The following SLCO3A1 variants were observed in gnomAD, a reference collection of about 807,000 sequenced individuals.
SLCO3A1 encodes PGE1 transporter.
A neutral mutation model predicts 63.1 loss-of-function variants in SLCO3A1; 27 were observed. That is an observed-to-expected ratio of 0.43 (90% confidence interval 0.32 to 0.59). The LOEUF is 0.59. Ranked by LOEUF, SLCO3A1 falls within the 20% of genes least tolerant of loss-of-function variation. SLCO3A1 has a pLI of 0.09. For synonymous variants in SLCO3A1, 473 were observed against 409.9 expected, an observed-to-expected ratio of 1.15 and a Z score of -1.86; for missense variants, 773 against 945.8, an observed-to-expected ratio of 0.82 and a Z score of 2.40.
At position 91,853,895 on chromosome 15, in the gene SLCO3A1, G is replaced by A; in HGVS notation, c.-14G>A. The A allele has an allele frequency of 7.4e-7, 1 of 1,353,088 alleles. No homozygotes were observed. 83.8% of individuals were successfully genotyped at this position (1,353,088 alleles called of 1,614,324 possible). A position where few individuals can be genotyped will look rare whatever the true frequency, so the allele number is the denominator to read the frequency against. On this transcript the variant is annotated 5_prime_UTR_variant, in exon 1 of 10. Transcript: ENST00000318445. Reference sequence around the variant, plus strand: ...AGCGGCAGCGGCGGCGGCGGCGGCGGCGGCGGGGGAAGGATGCAGGGGAAG... The same window carrying A: ...AGCGGCAGCGGCGGCGGCGGCGGCGACGGCGGGGGAAGGATGCAGGGGAAG...
intron 2 of SLCO3A1, among the ~76,000 whole-genome samples, chr15:91,959,478 C>A (rs1388533618): frequency 6.6e-6 from 1 of 151,698 alleles, no homozygotes; most frequent in Non-Finnish European, 1.5e-5. Context: ...ACCTGTAATC[C>A]CAGCACTTTG....
chr15:91,889,244 G>A (rs756934382), intron 1 of SLCO3A1: 2 of 1,042,600 alleles, frequency 1.9e-6, no homozygotes, highest in Non-Finnish European at 2.6e-6. Context: ...GACTGTGGGT[G>A]GTCCTGCTGG....
intron 1 of SLCO3A1, among the ~76,000 whole-genome samples, chr15:91,864,626 A>G (rs552070570): frequency 6.6e-6 from 1 of 152,116 alleles, no homozygotes; most frequent in South Asian, 2.1e-4. Context: ...TCATTGGGGA[A>G]TACTTTTGTA....
chr15:92,100,574 A>T (rs74742164), intron 3 of SLCO3A1, among the ~76,000 whole-genome samples: 5,536 of 152,284 alleles, frequency 0.036, 125 homozygotes, highest in Admixed American at 0.051. Flanking sequence ...CATTTTTTTT[A>T]AAGTTAAGAC....
At chr15:92,166,823 GTGTGCCTGC>G (rs1448890629), downstream of SLCO3A1, among the ~76,000 whole-genome samples, 1 of 152,180 alleles carries the variant, frequency 6.6e-6, no homozygotes, top group Admixed American at 6.5e-5. Context: ...CTGGGTCCCC[GTGTGCCTGC>G]TGGGCTGGTT....
intron 2 of SLCO3A1, among the ~76,000 whole-genome samples, chr15:91,943,075 T>C (rs1453081561): frequency 6.6e-6 from 1 of 152,262 alleles, no homozygotes; most frequent in Non-Finnish European, 1.5e-5. Flanking sequence ...CTCATTTCCA[T>C]TTTATAGAAA....
At chr15:92,145,015 C>T (rs1206173654) in intron 7 of SLCO3A1, among the ~76,000 whole-genome samples, 4 of 152,184 alleles carry the variant, frequency 2.6e-5, no homozygotes, top group African/African-American at 4.8e-5. Flanking sequence ...AGATGGAAAG[C>T]GAGTGACCAG....
At chr15:92,030,864 G>T (rs763236114) in intron 2 of SLCO3A1, among the ~76,000 whole-genome samples, 4 of 152,150 alleles carry the variant, frequency 2.6e-5, no homozygotes, top group Non-Finnish European at 5.9e-5. Flanking sequence ...AACGAGAGAT[G>T]CCCACCCTTG....
At chr15:92,134,587 A>G (rs2048033566) in intron 7 of SLCO3A1, among the ~76,000 whole-genome samples, 3 of 152,228 alleles carry the variant, frequency 2.0e-5, no homozygotes, top group African/African-American at 4.8e-5. Flanking sequence ...AAATATATGC[A>G]TATCTTTGCA....
chr15:91,873,992 G>A (rs1201684668), intron 1 of SLCO3A1, among the ~76,000 whole-genome samples: 1 of 152,030 alleles, frequency 6.6e-6, no homozygotes, highest in Non-Finnish European at 1.5e-5. Flanking sequence ...ACTCAGTGGT[G>A]TAGTAGTCCC....
intron 2 of SLCO3A1, among the ~76,000 whole-genome samples, chr15:92,008,496 A>G (rs1195519603): frequency 6.6e-6 from 1 of 152,260 alleles, no homozygotes; most frequent in Non-Finnish European, 1.5e-5. Context: ...AGCTAAAAAA[A>G]TAAATTGCAG....
At chr15:91,982,180 A>G (rs1375273976) in intron 2 of SLCO3A1, among the ~76,000 whole-genome samples, 2 of 152,244 alleles carry the variant, frequency 1.3e-5, no homozygotes, top group Non-Finnish European at 2.9e-5. Flanking sequence ...GGGACCACCT[A>G]TGGGTCATGC....
chr15:92,171,814 C>G (rs751325630), exon 11 of SLCO3A1: 272 of 1,551,502 alleles, frequency 1.8e-4, no homozygotes, highest in Non-Finnish European at 2.2e-4. Context: ...CTGAGAAAAC[C>G]TGCCCCGAAT....
intron 2 of SLCO3A1, among the ~76,000 whole-genome samples, chr15:92,088,785 C>T (rs1230552350): frequency 6.6e-6 from 1 of 152,158 alleles, no homozygotes; most frequent in Admixed American, 6.5e-5. Flanking sequence ...ATTTCTGACT[C>T]GGACTCCCTC....
chr15:92,058,629 C>T (rs528738700), intron 2 of SLCO3A1, among the ~76,000 whole-genome samples: 1 of 152,298 alleles, frequency 6.6e-6, no homozygotes, highest in Admixed American at 6.5e-5. Context: ...AAACCCACAT[C>T]ACCATAGTCC....
intron 9 of SLCO3A1, chr15:92,162,210 G>A (rs1313273287): frequency 7.1e-6 from 1 of 139,870 alleles, no homozygotes. Context: ...GCACGATCTT[G>A]GCTCACTGCT....
chr15:92,135,148 G>T (rs8035166), intron 7 of SLCO3A1, among the ~76,000 whole-genome samples: 74,055 of 151,874 alleles, frequency 0.49, 18,358 homozygotes, highest in Non-Finnish European at 0.52. Flanking sequence ...AGGCAGGTTT[G>T]GAGTTGGAAG....
chr15:92,155,026 G>A (rs2048354167), intron 9 of SLCO3A1, among the ~76,000 whole-genome samples: 1 of 152,188 alleles, frequency 6.6e-6, no homozygotes, highest in South Asian at 2.1e-4. Context: ...GAGCGTGGAT[G>A]TTGAGAGTGA....
intron 1 of SLCO3A1, among the ~76,000 whole-genome samples, chr15:91,866,845 C>A (rs1187842391): frequency 6.6e-6 from 1 of 152,002 alleles, no homozygotes; most frequent in Non-Finnish European, 1.5e-5. Context: ...TACAATAGAC[C>A]AGACTAAAAA....
Sources: gnomAD v4.1 joint callset for allele counts (sites outside exome capture counted in the v4.1 genomes callset) on GRCh38, gnomAD v4.1.1 for gene constraint, MANE v1.5 for transcripts, NCBI Gene and HGNC (gene_info 2026-07-23, HGNC 2026-07-21) for gene names.